Variants in COL22A1 observed in about 807,000 individuals in gnomAD.
COL22A1 encodes collagen type XXII alpha 1 chain.
In COL22A1, 221 loss-of-function variants were observed where a neutral mutation model predicts 248.9. The ratio of observed to expected loss-of-function variants is 0.89; its 90% CI spans 0.80 to 0.99. The LOEUF is 0.99. Ranked by LOEUF, COL22A1 falls within the 50% of genes least tolerant of loss-of-function variation. The pLI is 0.00. For missense variants in COL22A1, 2,240 were observed against 2,179.0 expected (o/e 1.03, Z -0.56); for synonymous variants, 891 against 793.4 (o/e 1.12, Z -2.07).
intron 1 of COL22A1, among the ~76,000 whole-genome samples, chr8:138,903,984 C>T (rs1035626376): frequency 1.3e-5 from 2 of 152,192 alleles, no homozygotes; most frequent in Admixed American, 1.3e-4. Context: ...GGAGCCCCTG[C>T]ACCCAGATTT....
intron 16 of COL22A1, among the ~76,000 whole-genome samples, chr8:138,767,216 A>G (rs182413800): frequency 1.1e-4 from 16 of 152,346 alleles, no homozygotes; most frequent in Admixed American, 1.0e-3. Context: ...GTGCGCATTA[A>G]CAGTCAGTTA....
At position 138,693,642 on chromosome 8, in the gene COL22A1, T is replaced by A; in HGVS notation, c.2754+4A>T. On this transcript the variant is annotated splice_donor_region_variant and intron_variant, in intron 35 of 64. Coordinates refer to ENST00000303045, the MANE Select transcript of COL22A1 (RefSeq NM_152888.3). ...CACGAGGCAGGCCGATCATAGGGACTCACGGGGTTTCCAGCTGCTCCAGGA... is the reference window on the plus strand; with the variant it reads ...CACGAGGCAGGCCGATCATAGGGACACACGGGGTTTCCAGCTGCTCCAGGA... 1 of 1,580,924 alleles carries A rather than the reference T, an allele frequency of 6.3e-7. No homozygotes were observed. The highest frequency in any genetic ancestry group is 8.6e-7 in the Non-Finnish European group (1 of 1,163,378).
intron 62 of COL22A1, 45 bp downstream of exon 62, chr8:138,596,859 C>T (rs769191503): frequency 2.0e-5 from 31 of 1,567,434 alleles, no homozygotes; most frequent in Non-Finnish European, 2.6e-5. Context: ...AGAACTGCTT[C>T]CTGGGCTCTT....
chr8:138,694,433 G>T lies in COL22A1; in HGVS notation c.2700+75C>A, dbSNP rs369407655. On this transcript the variant is annotated intron_variant, in intron 34 of 64. Coordinates refer to ENST00000303045, the MANE Select transcript of COL22A1 (RefSeq NM_152888.3). Reference sequence around the variant, plus strand: ...AATGCCAGGGGAGAGAACTGGGGAGGGTGGCCTGGAGCGAGAGAGTGTGGC... The same window carrying T: ...AATGCCAGGGGAGAGAACTGGGGAGTGTGGCCTGGAGCGAGAGAGTGTGGC... The T allele has an allele frequency of 3.5e-4, 498 of 1,429,720 alleles. No individual in the cohort carries two copies. The African/African-American group carries it at 6.2e-3, about 18-fold the overall frequency. The allele number at this position is 1,429,720 out of a possible 1,614,324, so 88.6% of individuals were successfully genotyped here. A position where few individuals can be genotyped will look rare whatever the true frequency, so the allele number is the denominator to read the frequency against.
chr8:138,835,445 G>T (rs1172939333), intron 4 of COL22A1, among the ~76,000 whole-genome samples: 1 of 152,202 alleles, frequency 6.6e-6, no homozygotes, highest in African/African-American at 2.4e-5. Context: ...GGCACCCACA[G>T]TCCCACAACT....
chr8:138,635,716 C>T (rs889422751), intron 48 of COL22A1, among the ~76,000 whole-genome samples: 1 of 152,076 alleles, frequency 6.6e-6, no homozygotes, highest in African/African-American at 2.4e-5. Context: ...TGCCCTCCAC[C>T]TCCAAGCCTT....
At chr8:138,896,709 A>G (rs143602741) in intron 1 of COL22A1, among the ~76,000 whole-genome samples, 20 of 152,332 alleles carry the variant, frequency 1.3e-4, no homozygotes, top group African/African-American at 3.6e-4. Context: ...GCGGTGGCTT[A>G]TGCTTGTAAT....
chr8:138,901,639 T>C (rs996829406), intron 1 of COL22A1, among the ~76,000 whole-genome samples: 8 of 152,218 alleles, frequency 5.3e-5, no homozygotes, highest in African/African-American at 1.9e-4. Flanking sequence ...AGTGCTAGGA[T>C]TGCAGGCATG....
chr8:138,664,203 GCGCGCGCACACACACACA>G lies in COL22A1; in HGVS notation c.3151-481_3151-464del, dbSNP rs1251067094. The stretch of plus-strand genomic sequence containing the variant: ...CTTCTCCAACAAGGGGTGCGCGCGC[GCGCGCGCACACACACACA>G]CACACACACACACACACACACACAC... On this transcript the variant is annotated intron_variant, in intron 41 of 64. Coordinates refer to ENST00000303045, the MANE Select transcript of COL22A1 (RefSeq NM_152888.3). 1.8e-3 allele frequency among the ~76,000 whole-genome samples: 159 copies of G among 90,178 alleles called. 1 individual carries two copies. The highest frequency in any genetic ancestry group is 5.9e-3 in the African/African-American group (144 of 24,408). 59.2% of individuals were successfully genotyped at this position (90,178 alleles called of 152,430 possible).
At chr8:138,707,256 A>T (rs1008754314) in intron 30 of COL22A1, among the ~76,000 whole-genome samples, 6 of 152,242 alleles carry the variant, frequency 3.9e-5, no homozygotes, top group Non-Finnish European at 8.8e-5. Context: ...CAATCAATAG[A>T]AAAAGAAGGA....
At chr8:138,754,780 G>A (rs1394263580) in intron 21 of COL22A1, among the ~76,000 whole-genome samples, 3 of 152,228 alleles carry the variant, frequency 2.0e-5, no homozygotes, top group Admixed American at 6.5e-5. Flanking sequence ...AAGTGAGTGC[G>A]TTGGAAGTGA....
intron 3 of COL22A1, among the ~76,000 whole-genome samples, chr8:138,852,584 G>A (rs537843758): frequency 2.3e-4 from 35 of 152,326 alleles, no homozygotes; most frequent in African/African-American, 8.2e-4. Context: ...GGAAGTTGCT[G>A]GAGCAGGGAT....
intron 41 of COL22A1, among the ~76,000 whole-genome samples, chr8:138,667,399 C>T (rs866625573): frequency 6.6e-6 from 1 of 152,210 alleles, no homozygotes. Context: ...CAAAGGTAAT[C>T]AGAATCGACT....
At chr8:138,850,679 G>GA (rs1052130732) in intron 3 of COL22A1, among the ~76,000 whole-genome samples, 44 of 152,324 alleles carry the variant, frequency 2.9e-4, no homozygotes, top group Admixed American at 2.4e-3. Flanking sequence ...GCCAAAAAAG[G>GA]ACAAGACCAG....
chr8:138,590,879 A>C (rs2131766702), intron 64 of COL22A1, among the ~76,000 whole-genome samples: 1 of 152,316 alleles, frequency 6.6e-6, no homozygotes, highest in South Asian at 2.1e-4. Flanking sequence ...CTCTGTTCCC[A>C]GAAACATCCT....
intron 50 of COL22A1, 37 bp downstream of exon 50, chr8:138,630,658 C>G: frequency 6.3e-7 from 1 of 1,593,658 alleles, no homozygotes; most frequent in Non-Finnish European, 8.6e-7. Flanking sequence ...AGGCTAAAGA[C>G]AGATTAAAAA....
intron 21 of COL22A1, among the ~76,000 whole-genome samples, chr8:138,752,351 T>G (rs1832674011): frequency 6.6e-6 from 1 of 152,254 alleles, no homozygotes; most frequent in Admixed American, 6.5e-5. Context: ...AAATATTATT[T>G]TCATAATTAT....
In COL22A1 at chr8:138,796,826, C is replaced by A; in HGVS notation, c.1589G>T (p.Gly530Val). 1 of 1,600,246 alleles carries A rather than the reference C, an allele frequency of 6.2e-7. No individual in the cohort carries two copies. The highest frequency in any genetic ancestry group is 2.2e-5 in the East Asian group (1 of 44,820). Residue 530 changes from glycine to valine, a missense_variant, in exon 12 of 65, where the codon GGT (glycine) becomes GTT (valine). By Grantham distance (109) the Gly-to-Val change is moderately radical (BLOSUM62 -3). Coordinates refer to ENST00000303045, the MANE Select transcript of COL22A1 (RefSeq NM_152888.3). ...TAAAAGGAAGATGCTTACCTTTTCA[C>A]CCTTTTCCCCTTGGCCAAAAGGTCC... is the stretch of plus-strand genomic sequence containing the variant. ...GIGPFGQGEK[G>V]EKGSLGLPGP...
At chr8:138,638,949 G>A (rs1197152048) in intron 47 of COL22A1, among the ~76,000 whole-genome samples, 1 of 152,106 alleles carries the variant, frequency 6.6e-6, no homozygotes, top group South Asian at 2.1e-4. Flanking sequence ...ACGTAGGTCA[G>A]GGATCAAAGC....
Sources: allele counts gnomAD v4.1 joint callset (sites outside exome capture counted in the v4.1 genomes callset), GRCh38; gene constraint gnomAD v4.1.1; transcripts MANE v1.5; gene names NCBI Gene and HGNC (gene_info 2026-07-23, HGNC 2026-07-21).